DYNC1H1: variants seen among roughly 807,000 people sequenced by gnomAD.
DYNC1H1 encodes dynein cytoplasmic 1 heavy chain 1, also known as cytoplasmic dynein 1 heavy chain 1.
DYNC1H1 carries 51 observed loss-of-function variants against 527.1 expected under a neutral mutation model. The ratio of observed to expected loss-of-function variants is 0.10; its 90% CI spans 0.08 to 0.12. DYNC1H1 has a LOEUF of 0.12. Ranked by LOEUF, DYNC1H1 falls within the 10% of genes least tolerant of loss-of-function variation. The pLI, the probability that DYNC1H1 is intolerant of heterozygous loss-of-function variation, is 1.00. For missense variants in DYNC1H1, 2,771 were observed against 5,971.8 expected (o/e 0.46, Z 17.66); for synonymous variants, 2,189 against 2,278.8 (o/e 0.96, Z 1.12).
intron 7 of DYNC1H1, among the ~76,000 whole-genome samples, chr14:101,984,022 C>G (rs527753720): frequency 2.0e-5 from 3 of 151,976 alleles, no homozygotes; most frequent in African/African-American, 7.3e-5. Context: ...GGCTGGAGTA[C>G]AGTGAAGTGA....
At chr14:101,984,401 ATGTGTGTGTGTGTGTGTG>A (rs34162363) in intron 7 of DYNC1H1, among the ~76,000 whole-genome samples, 1 of 102,446 alleles carries the variant, frequency 9.8e-6, no homozygotes, top group Non-Finnish European at 1.7e-5. Flanking sequence ...ATGCGTATAT[ATGTGTGTGTGTGTGTGTG>A]TGTGTGTGTG....
In DYNC1H1 at chr14:101,965,785, C is replaced by T. The variant is rs2047660563; in HGVS notation, c.256+838C>T. ...AATGCTTCGATGATGTTAATGATAACCCTGTAATATTTGAGTCTAATTTTA... is the reference window on the plus strand; with the variant it reads ...AATGCTTCGATGATGTTAATGATAATCCTGTAATATTTGAGTCTAATTTTA... On this transcript the variant is annotated intron_variant, in intron 1 of 77. Transcript: ENST00000360184. This position sits in a 1 kb window ranked among gnomAD's most constrained non-coding sequence, Gnocchi z 4.1. Among the ~76,000 whole-genome samples the T allele has an allele frequency of 1.3e-5, 2 of 150,310 alleles. No individual in the cohort carries two copies. The highest frequency in any genetic ancestry group is 2.9e-5 in the Non-Finnish European group (2 of 67,832).
At chr14:101,982,146 A>G (rs1263179968) in intron 5 of DYNC1H1, among the ~76,000 whole-genome samples, 3 of 152,154 alleles carry the variant, frequency 2.0e-5, no homozygotes, top group Non-Finnish European at 4.4e-5. Context: ...TGCGCACGCG[A>G]GGGATGTAGA....
In DYNC1H1 at chr14:102,041,677, G is replaced by C; in HGVS notation, c.12045G>C (p.Glu4015Asp). 1 of 1,614,194 alleles carries C rather than the reference G, an allele frequency of 6.2e-7. No individual in the cohort carries two copies. Among genetic ancestry groups the C allele is most frequent in the South Asian group, 1.1e-5 (1 of 91,086 alleles). ...TGTTTGTTTCAACAAACCTTGGGGA[G>C]TCTTTCATGTCCATCATGGAGCAGC... ...AHMFVSTNLG[E>D]SFMSIMEQPL... Residue 4015 changes from glutamate (E) to aspartate (D), a missense_variant, in exon 65 of 78, where the codon GAG becomes GAC. Coordinates refer to ENST00000360184, the MANE Select transcript of DYNC1H1 (RefSeq NM_001376.5). The surrounding 1 kb of genome is among the most constrained non-coding windows in gnomAD (Gnocchi z 4.5).
At chr14:101,972,799 A>G (rs1370716704) in intron 1 of DYNC1H1, among the ~76,000 whole-genome samples, 1 of 151,998 alleles carries the variant, frequency 6.6e-6, no homozygotes, top group Non-Finnish European at 1.5e-5. Flanking sequence ...TGTTAATTTT[A>G]TTTTCTGTAT....
chr14:102,010,847 CAG>C lies in DYNC1H1; in HGVS notation c.6514_6515del (p.Arg2172GlyfsTer2), dbSNP rs1265258675. ...ACGTGTTCCCTGGAGTCCAGTATCACAGGGGTGAGATGACTGCCCTTCGAGAG... is the reference window on the plus strand; with the variant it reads ...ACGTGTTCCCTGGAGTCCAGTATCACGGGTGAGATGACTGCCCTTCGAGAG... ...SDVFPGVQYH[R>X]GEMTALREEL... is the part of the protein sequence containing the mutation. On this transcript the variant is annotated frameshift_variant, in exon 32 of 78. Coordinates refer to ENST00000360184, the MANE Select transcript of DYNC1H1 (RefSeq NM_001376.5). LOFTEE classifies it high-confidence loss of function. The surrounding 1 kb of genome is among the most constrained non-coding windows in gnomAD (Gnocchi z 6.0). 1 of 1,614,262 alleles carries C rather than the reference CAG, an allele frequency of 6.2e-7. No individual in the cohort carries two copies.
chr14:101,987,665 T>G, intron 9 of DYNC1H1, 33 bp downstream of exon 9: 1 of 1,612,396 alleles, frequency 6.2e-7, no homozygotes, highest in Non-Finnish European at 8.5e-7. Flanking sequence ...ATTTTCCTCC[T>G]TTTTCTTCTG....
At position 102,002,124 on chromosome 14, in the gene DYNC1H1, T is replaced by G. The variant is rs1375931742; in HGVS notation, c.4543-413T>G. Among the ~76,000 whole-genome samples, 9 of 151,746 alleles carry G rather than the reference T, an allele frequency of 5.9e-5. No homozygotes were observed. The highest frequency in any genetic ancestry group is 1.0e-4 in the Non-Finnish European group (7 of 67,930). On this transcript the variant is annotated intron_variant, in intron 21 of 77. Coordinates refer to ENST00000360184, the MANE Select transcript of DYNC1H1 (RefSeq NM_001376.5). The surrounding 1 kb of genome is among the most constrained non-coding windows in gnomAD (Gnocchi z 4.4). Reference sequence around the variant, plus strand: ...TGCTTTTTTGTTTTTTTTTTTTCTTTTTTTGAGATGGAGTCTCGCTCTGTC... The same window carrying G: ...TGCTTTTTTGTTTTTTTTTTTTCTTGTTTTGAGATGGAGTCTCGCTCTGTC...
At chr14:101,991,489 A>C in intron 10 of DYNC1H1, 38 bp from the exon 11 acceptor site, 1 of 1,613,726 alleles carries the variant, frequency 6.2e-7, no homozygotes, top group Non-Finnish European at 8.5e-7. Context: ...TTATTGAAAA[A>C]TAGATTGCTG....
rs367966878 is a variant in DYNC1H1, at chr14:102,039,585, A to G, written c.11595+39A>G. ...CTCAGCCGCTCCCTGGCGGGGGGGA[A>G]GCAGGGTGCTGCTTCTCTTATGGAA... is the stretch of plus-strand genomic sequence containing the variant. On this transcript the variant is annotated intron_variant, in intron 61 of 77. Coordinates refer to ENST00000360184, the MANE Select transcript of DYNC1H1 (RefSeq NM_001376.5). This position sits in a 1 kb window ranked among gnomAD's most constrained non-coding sequence, Gnocchi z 7.0. The G allele has an allele frequency of 2.5e-6, 4 of 1,614,066 alleles. No individual in the cohort carries two copies. The highest frequency in any genetic ancestry group is 2.2e-5 in the East Asian group (1 of 44,898).
In DYNC1H1 at chr14:101,985,806, T is replaced by C; in HGVS notation, c.1581T>C (p.Tyr527=). The C allele has an allele frequency of 1.2e-6, 2 of 1,614,080 alleles. No homozygotes were observed. Among genetic ancestry groups the C allele is most frequent in the Non-Finnish European group, 1.7e-6 (2 of 1,179,948 alleles). The change falls in exon 8 of 78, where the codon TAT becomes TAC. Residue 527 remains tyrosine (Y), a synonymous_variant. Coordinates refer to ENST00000360184, the MANE Select transcript of DYNC1H1 (RefSeq NM_001376.5). This position sits in a 1 kb window ranked among gnomAD's most constrained non-coding sequence, Gnocchi z 5.9. ...ANAIEEVNLA[Y]ENVKEVDGLD... ...CCATTGAGGAAGTAAACCTTGCTTA[T>C]GAGAACGTCAAGGAAGTGGATGGAC...
intron 44 of DYNC1H1, 55 bp downstream of exon 44, chr14:102,026,762 G>C: frequency 5.0e-6 from 8 of 1,596,752 alleles, no homozygotes; most frequent in Non-Finnish European, 6.8e-6. Context: ...TCTTGAGTAA[G>C]TGTGTGTGCC....
rs1398163672 is a variant in DYNC1H1 at position 102,038,419 on chromosome 14, AC to A, written c.10909-40del. 1 of 1,611,936 alleles carries A rather than the reference AC, an allele frequency of 6.2e-7. No homozygotes were observed. The highest frequency in any genetic ancestry group is 1.3e-5 in the African/African-American group (1 of 74,900). On this transcript the variant is annotated intron_variant, in intron 57 of 77. Transcript: ENST00000360184. The surrounding 1 kb of genome is among the most constrained non-coding windows in gnomAD (Gnocchi z 7.2). The stretch of plus-strand genomic sequence containing the variant: ...ATAGCATTTGGGTGAAGATAAAGTT[AC>A]AAAGCCCTGACCATCAAGTTCCACC...
intron 56 of DYNC1H1, chr14:102,035,632 C>A (rs926483173): frequency 1.3e-5 from 2 of 152,216 alleles, no homozygotes; most frequent in Admixed American, 1.3e-4. Context: ...TGAGGGCCCA[C>A]CACGCCGTGG....
At chr14:102,009,666 TG>T in intron 29 of DYNC1H1, 176 bp from the exon 30 acceptor site, 1 of 920,746 alleles carries the variant, frequency 1.1e-6, no homozygotes, top group Non-Finnish European at 1.6e-6. Context: ...CCACCTGGGC[TG>T]GGAGAATGTG....
chr14:102,048,922 G>C (rs1567025767), intron 74 of DYNC1H1: 2 of 539,274 alleles, frequency 3.7e-6, no homozygotes, highest in East Asian at 7.0e-5. Flanking sequence ...AGTTTTTTAG[G>C]GGTCTTCCAA....
In DYNC1H1 at chr14:102,038,644, G is replaced by A. The variant is rs963301032; in HGVS notation, c.11055+38G>A. ...ACCCTTCCCCAGGGAAATCTGGCAG[G>A]ATGTGGTTTTGAAACTGGATTAAGA... On this transcript the variant is annotated intron_variant, in intron 58 of 77. Transcript: ENST00000360184. This position sits in a 1 kb window ranked among gnomAD's most constrained non-coding sequence, Gnocchi z 7.2. 1 of 1,614,210 alleles carries A rather than the reference G, an allele frequency of 6.2e-7. No homozygotes were observed. Among genetic ancestry groups the A allele is most frequent in the Non-Finnish European group, 8.5e-7 (1 of 1,180,030 alleles).
chr14:101,975,043 G>T (rs2047785041), intron 1 of DYNC1H1, among the ~76,000 whole-genome samples: 2 of 152,166 alleles, frequency 1.3e-5, no homozygotes, highest in South Asian at 4.1e-4. Flanking sequence ...TACTTTTCTT[G>T]ATTGGGGTTT....
chr14:102,044,192 A>C lies in DYNC1H1; in HGVS notation c.12685-82A>C. On this transcript the variant is annotated intron_variant, in intron 70 of 77. Coordinates refer to ENST00000360184, the MANE Select transcript of DYNC1H1 (RefSeq NM_001376.5). This position sits in a 1 kb window ranked among gnomAD's most constrained non-coding sequence, Gnocchi z 7.1. Reference sequence around the variant, plus strand: ...GCCTAGCTGGCCATGGGGAGTGAGGAGGAAAGCTGTGCCCCTCGAAAGGAA... The same window carrying C: ...GCCTAGCTGGCCATGGGGAGTGAGGCGGAAAGCTGTGCCCCTCGAAAGGAA... 2 of 1,590,430 alleles carry C rather than the reference A, an allele frequency of 1.3e-6. No homozygotes were observed. The highest frequency in any genetic ancestry group is 1.7e-6 in the Non-Finnish European group (2 of 1,169,122).
Sources: allele counts gnomAD v4.1 joint callset (sites outside exome capture counted in the v4.1 genomes callset), GRCh38; gene constraint gnomAD v4.1.1; non-coding constraint Gnocchi (gnomAD v3.1); transcripts MANE v1.5; gene names NCBI Gene and HGNC (gene_info 2026-07-23, HGNC 2026-07-21).